The following KCNQ3 variants were observed in gnomAD, a reference collection of about 807,000 sequenced individuals.
KCNQ3 encodes potassium voltage-gated channel subfamily KQT member 3.
In KCNQ3, 30 loss-of-function variants were observed where a neutral mutation model predicts 92.5. The ratio of observed to expected loss-of-function variants is 0.32; its 90% confidence interval spans 0.24 to 0.44. The LOEUF (loss-of-function observed/expected upper bound fraction) is 0.44, where lower values mean the gene tolerates loss of function less well. Among genes scored for constraint, KCNQ3 ranks in the 20% least tolerant of loss-of-function variants. The probability of loss-of-function intolerance (pLI) is 1.00; values close to 1 mark genes in which losing one functional copy is unlikely to be tolerated. For missense variants in KCNQ3, 913 were observed against 1,140.3 expected (o/e 0.80, Z 2.87); for synonymous variants, 450 against 468.8 (o/e 0.96, Z 0.52).
chr8:132,389,400 G>A (rs112125308), intron 1 of KCNQ3, among the ~76,000 whole-genome samples: 1,732 of 152,300 alleles, frequency 0.011, 21 homozygotes, highest in African/African-American at 0.034. Context: ...CTGAGATTGC[G>A]CCATTGCACT....
chr8:132,479,949 AACACACACACAC>A (rs371967111), intron 1 of KCNQ3, among the ~76,000 whole-genome samples, 186 bp downstream of exon 1: 96 of 137,178 alleles, frequency 7.0e-4, no homozygotes, highest in South Asian at 2.4e-3. Context: ...GGAGAGCGGC[AACACACACACAC>A]ACACACACAC....
chr8:132,470,461 G>A (rs751035385), intron 1 of KCNQ3, among the ~76,000 whole-genome samples: 1 of 152,096 alleles, frequency 6.6e-6, no homozygotes, highest in Non-Finnish European at 1.5e-5. Flanking sequence ...TATTGTGTGT[G>A]TGCATACACA....
intron 1 of KCNQ3, among the ~76,000 whole-genome samples, chr8:132,418,407 C>T (rs752482258): frequency 6.6e-6 from 1 of 152,080 alleles, no homozygotes; most frequent in Non-Finnish European, 1.5e-5. Flanking sequence ...TGGGTCTCAA[C>T]CCGACTCTGC....
chr8:132,337,926 T>A (rs1162736865), intron 1 of KCNQ3, among the ~76,000 whole-genome samples: 1 of 152,190 alleles, frequency 6.6e-6, no homozygotes, highest in Non-Finnish European at 1.5e-5. Flanking sequence ...TAAATGCACA[T>A]GATATTCTTA....
rs770736347 is a variant in KCNQ3, at chr8:132,175,318, C to T, written c.933+135G>A. 4 of 974,158 alleles carry T rather than the reference C, an allele frequency of 4.1e-6. No individual in the cohort carries two copies. The Admixed American group carries it at 5.4e-5, about 13-fold the overall frequency. The allele number at this position is 974,158 out of a possible 1,614,324, so 60.3% of individuals were successfully genotyped here. A position where few individuals can be genotyped will look rare whatever the true frequency, so the allele number is the denominator to read the frequency against. On this transcript the variant is annotated intron_variant, in intron 5 of 14. Coordinates refer to ENST00000388996, the MANE Select transcript of KCNQ3 (RefSeq NM_004519.4). ...GGGTCTTCTGTCAGCAGGTTCTGAG[C>T]TGAAATTGGTCTAGAGCTTACCTCT... is the stretch of plus-strand genomic sequence containing the variant.
chr8:132,408,104 G>A lies in KCNQ3; in HGVS notation c.386+72043C>T, dbSNP rs76692929. On this transcript the variant is annotated intron_variant, in intron 1 of 14. Transcript: ENST00000388996. The stretch of plus-strand genomic sequence containing the variant: ...CCCACCACCTAATTAATTATGCTAC[G>A]TATCCAATGACTGTAAAAAGTATTG... 1.0e-2 allele frequency among the ~76,000 whole-genome samples: 1,417 copies of A among 142,298 alleles called. 18 individuals carry two copies. Among genetic ancestry groups the A allele is most frequent in the African/African-American group, 0.034 (1,344 of 39,400 alleles). The allele number at this position is 142,298 out of a possible 152,430, so 93.4% of individuals were successfully genotyped here.
At chr8:132,343,095 T>C (rs10102127) in intron 1 of KCNQ3, among the ~76,000 whole-genome samples, 138,276 of 152,186 alleles carry the variant, frequency 0.91, 62,980 homozygotes, top group African/African-American at 0.96. Flanking sequence ...GCTGTAACAC[T>C]GAACATAGTG....
chr8:132,129,839 T>C lies in KCNQ3; in HGVS notation c.2042A>G (p.Lys681Arg). The C allele has an allele frequency of 6.2e-7, 1 of 1,614,146 alleles. No homozygotes were observed. The highest frequency in any genetic ancestry group is 8.5e-7 in the Non-Finnish European group (1 of 1,180,014). Residue 681 changes from lysine to arginine, a missense_variant, in exon 15 of 15, where the codon AAA (lysine) becomes AGA (arginine). Around this residue, in one of 6 missense-constraint regions of KCNQ3, gnomAD observed 375 missense variants for 376.4 expected, o/e 1.00. Transcript: ENST00000388996. The surrounding 1 kb of genome is among the most constrained non-coding windows in gnomAD (Gnocchi z 5.9). ...KKEDNRYSDLKTIICNYSETG... is the reference protein window; with the variant it reads ...KKEDNRYSDLRTIICNYSETG... ...CTCAGAATAGTTGCAGATGATGGTT[T>C]TCAAATCGGAATACCTGTTGTCCTC... is the stretch of plus-strand genomic sequence containing the variant.
chr8:132,200,504 G>T (rs1182125981), intron 1 of KCNQ3, among the ~76,000 whole-genome samples: 1 of 150,516 alleles, frequency 6.6e-6, no homozygotes, highest in African/African-American at 2.4e-5. Context: ...GACATGTTAC[G>T]TGTCTAATAT....
At chr8:132,182,348 C>G (rs895624617) in intron 3 of KCNQ3, among the ~76,000 whole-genome samples, 5 of 152,218 alleles carry the variant, frequency 3.3e-5, no homozygotes, top group Admixed American at 1.3e-4. Flanking sequence ...CCGAGGCTGC[C>G]TTGAATATGA....
At chr8:132,479,089 T>C (rs1483165674) in intron 1 of KCNQ3, among the ~76,000 whole-genome samples, 2 of 152,262 alleles carry the variant, frequency 1.3e-5, no homozygotes, top group South Asian at 2.1e-4. Context: ...AAGGCAGAGC[T>C]TGATGGCTGG....
At chr8:132,250,696 G>A (rs1026975254) in intron 1 of KCNQ3, among the ~76,000 whole-genome samples, 4 of 152,044 alleles carry the variant, frequency 2.6e-5, no homozygotes, top group Admixed American at 6.5e-5. Flanking sequence ...GGTGGACCTC[G>A]GGTTGAGACA....
intron 1 of KCNQ3, among the ~76,000 whole-genome samples, chr8:132,456,871 C>T (rs1821954702): frequency 6.6e-6 from 1 of 152,168 alleles, no homozygotes; most frequent in African/African-American, 2.4e-5. Context: ...CCTCAGCCTC[C>T]CAAAGTGCTG....
In KCNQ3 at chr8:132,392,111, C is replaced by G. The variant is rs529756811; in HGVS notation, c.386+88036G>C. Among the ~76,000 whole-genome samples, 20 of 152,250 alleles carry G rather than the reference C, an allele frequency of 1.3e-4. No individual in the cohort carries two copies. In the South Asian group the frequency reaches 3.9e-3, roughly 30 times the overall value. On this transcript the variant is annotated intron_variant, in intron 1 of 14. Coordinates refer to ENST00000388996, the MANE Select transcript of KCNQ3 (RefSeq NM_004519.4). ...TTAATGCCTACAGCATCCGGCCTCCCCCCTGGAGAAACATATCTGGTTACG... is the reference window on the plus strand; with the variant it reads ...TTAATGCCTACAGCATCCGGCCTCCGCCCTGGAGAAACATATCTGGTTACG...
chr8:132,137,773 T>C, intron 12 of KCNQ3, 112 bp downstream of exon 12: 1 of 1,327,162 alleles, frequency 7.5e-7, no homozygotes, highest in Non-Finnish European at 1.1e-6. Context: ...ATATTTGTCT[T>C]CTTAAAATCT....
At chr8:132,270,750 T>C (rs1816123090) in intron 1 of KCNQ3, among the ~76,000 whole-genome samples, 1 of 152,250 alleles carries the variant, frequency 6.6e-6, no homozygotes, top group African/African-American at 2.4e-5. Flanking sequence ...AGAATATTTT[T>C]ATAGAATATT....
chr8:132,174,365 T>C lies in KCNQ3; in HGVS notation c.934-16A>G. On this transcript the variant is annotated splice_polypyrimidine_tract_variant and intron_variant, in intron 5 of 14. Transcript: ENST00000388996. ...CCAGTGTGATCTGAAGAGAGAAGAG[T>C]TCAGACATGGAGTACCACATGGAGA... The C allele has an allele frequency of 6.5e-7, 1 of 1,527,660 alleles. No individual in the cohort carries two copies. The highest frequency in any genetic ancestry group is 8.9e-7 in the Non-Finnish European group (1 of 1,125,306). The allele number at this position is 1,527,660 out of a possible 1,614,324, so 94.6% of individuals were successfully genotyped here.
intron 1 of KCNQ3, among the ~76,000 whole-genome samples, chr8:132,370,555 C>T (rs1333555856): frequency 1.3e-5 from 2 of 152,026 alleles, no homozygotes; most frequent in Non-Finnish European, 2.9e-5. Context: ...TTCCTCAGGG[C>T]CTCAAGCAGC....
intron 1 of KCNQ3, among the ~76,000 whole-genome samples, chr8:132,203,712 T>C (rs1206808066): frequency 6.6e-6 from 1 of 152,210 alleles, no homozygotes; most frequent in African/African-American, 2.4e-5. Context: ...GTGTTTATTA[T>C]GGGGATAATC....
Sources: allele counts gnomAD v4.1 joint callset (sites outside exome capture counted in the v4.1 genomes callset), GRCh38; gene constraint gnomAD v4.1.1; regional missense constraint gnomAD v4.1.1; non-coding constraint Gnocchi (gnomAD v3.1); transcripts MANE v1.5; gene names NCBI Gene and HGNC (gene_info 2026-07-23, HGNC 2026-07-21).